ZSCAN5A: variants seen among roughly 807,000 people sequenced by gnomAD.
ZSCAN5A encodes the protein zinc finger and SCAN domain-containing protein 5A.
Under a neutral mutation model 23.7 loss-of-function variants are expected in ZSCAN5A, and 12 were observed. The ratio of observed to expected loss-of-function variants is 0.51; its 90% CI spans 0.32 to 0.82. The LOEUF is 0.82. Among genes scored for constraint, ZSCAN5A ranks in the 40% least tolerant of loss-of-function variants. The probability of loss-of-function intolerance (pLI) is 0.03; values close to 1 mark genes in which losing one functional copy is unlikely to be tolerated. For missense variants in ZSCAN5A, 597 were observed against 617.9 expected (o/e 0.97, Z 0.36); for synonymous variants, 257 against 239.9 (o/e 1.07, Z -0.66).
At chr19:56,340,409 G>T (rs1026590716) in intron 2 of ZSCAN5A, among the ~76,000 whole-genome samples, 13 of 152,146 alleles carry the variant, frequency 8.5e-5, no homozygotes, top group Non-Finnish European at 7.4e-5. Flanking sequence ...CGGATCTCCA[G>T]GAGAACGAAG....
At chr19:56,247,985 T>C (rs1023745638) in intron 2 of ZSCAN5A, among the ~76,000 whole-genome samples, 8 of 152,306 alleles carry the variant, frequency 5.3e-5, no homozygotes, top group Non-Finnish European at 7.3e-5. Flanking sequence ...CCACCGCACC[T>C]GGCCTGTTCT....
chr19:56,347,363 C>T (rs1434856820), intron 2 of ZSCAN5A: 1 of 152,192 alleles, frequency 6.6e-6, no homozygotes, highest in Non-Finnish European at 1.5e-5. Flanking sequence ...ACGCGGGGGG[C>T]TCTGGGTGCT....
At chr19:56,254,933 G>T (rs1388194625) in intron 2 of ZSCAN5A, among the ~76,000 whole-genome samples, 2 of 152,038 alleles carry the variant, frequency 1.3e-5, no homozygotes, top group Non-Finnish European at 2.9e-5. Flanking sequence ...CTCTGGAGAT[G>T]AACCCCTTTT....
Position 56,351,071 on chromosome 19 carries a change from G to T in ZSCAN5A, c.-358+12164C>A, listed in dbSNP as rs1397546799. 6.6e-6 allele frequency among the ~76,000 whole-genome samples: 1 copy of T among 151,876 alleles called. No homozygotes were observed. Among genetic ancestry groups the T allele is most frequent in the Admixed American group, 6.6e-5 (1 of 15,238 alleles). On this transcript the variant is annotated intron_variant, in intron 2 of 6. Coordinates refer to the ZSCAN5A transcript ENST00000587340. This position sits in a 1 kb window ranked among gnomAD's most constrained non-coding sequence, Gnocchi z 4.8. ...TCTAACACCCCCTAACAGCAGTTAG[G>T]TTTACTTCTCTTTGAGGGGGGGATA...
At chr19:56,314,021 G>A (rs2147398748) in intron 1 of ZSCAN5A, among the ~76,000 whole-genome samples, 1 of 152,354 alleles carries the variant, frequency 6.6e-6, no homozygotes, top group Admixed American at 6.5e-5. Flanking sequence ...AGGGGCTGGA[G>A]AGAATTTTTC....
At chr19:56,243,396 A>G (rs2035587837) in intron 2 of ZSCAN5A, among the ~76,000 whole-genome samples, 1 of 145,422 alleles carries the variant, frequency 6.9e-6, no homozygotes, top group Non-Finnish European at 1.5e-5. Flanking sequence ...TTTTACCAAA[A>G]TAGCAATATC....
At chr19:56,262,621 G>A (rs566205793) in intron 2 of ZSCAN5A, among the ~76,000 whole-genome samples, 17 of 150,426 alleles carry the variant, frequency 1.1e-4, no homozygotes, top group African/African-American at 3.7e-4. Flanking sequence ...TAGTAGAGAC[G>A]GGGTTTCACC....
chr19:56,242,934 A>C (rs1457729528), intron 2 of ZSCAN5A, among the ~76,000 whole-genome samples: 1 of 151,976 alleles, frequency 6.6e-6, no homozygotes, highest in African/African-American at 2.4e-5. Flanking sequence ...ACGTGCCACC[A>C]TGCCCGGCTA....
chr19:56,367,667 C>T (rs887244174), intron 1 of ZSCAN5A, among the ~76,000 whole-genome samples: 3 of 152,214 alleles, frequency 2.0e-5, no homozygotes, highest in Non-Finnish European at 4.4e-5. Flanking sequence ...ACTTAATCCT[C>T]GCAACACTAT....
At chr19:56,315,570 T>C (rs528151305), upstream of ZSCAN5A, 1 of 152,364 alleles carries the variant, frequency 6.6e-6, no homozygotes, top group Non-Finnish European at 1.5e-5. Flanking sequence ...AAAGCTGATG[T>C]GAAGGGGCTG....
At chr19:56,239,903 C>T (rs914398071) in intron 2 of ZSCAN5A, among the ~76,000 whole-genome samples, 4 of 152,096 alleles carry the variant, frequency 2.6e-5, no homozygotes, top group Admixed American at 2.0e-4. Flanking sequence ...GTGGCTCACG[C>T]CTGTAATCTC....
intron 2 of ZSCAN5A, among the ~76,000 whole-genome samples, chr19:56,253,151 G>A (rs886962902): frequency 1.3e-5 from 2 of 152,052 alleles, no homozygotes; most frequent in African/African-American, 4.8e-5. Context: ...AGAGGTGTGA[G>A]CCTATAGGTT....
At position 56,223,502 on chromosome 19, in the gene ZSCAN5A, G is replaced by A. The variant is rs1010735745; in HGVS notation, c.588+129C>T. On this transcript the variant is annotated intron_variant, in intron 4 of 5. Coordinates refer to ENST00000683990, the MANE Select transcript of ZSCAN5A (RefSeq NM_001322064.3). ...GGCTCAGGAATGAATGTTTGGGGAT[G>A]TATCATGTCCATGGGGAATGGCTCT... 6 of 926,518 alleles carry A rather than the reference G, an allele frequency of 6.5e-6. No individual in the cohort carries two copies. In the African/African-American group the frequency reaches 6.7e-5, roughly 10 times the overall value. The allele number at this position is 926,518 out of a possible 1,614,324, so 57.4% of individuals were successfully genotyped here.
chr19:56,247,731 A>T (rs189159869), intron 2 of ZSCAN5A, among the ~76,000 whole-genome samples: 1 of 151,926 alleles, frequency 6.6e-6, no homozygotes, highest in Admixed American at 6.6e-5. Flanking sequence ...TTGTTCTGTC[A>T]CCCAGGCTGG....
intron 2 of ZSCAN5A, among the ~76,000 whole-genome samples, chr19:56,248,351 C>G (rs1246300097): frequency 6.6e-6 from 1 of 152,116 alleles, no homozygotes; most frequent in Non-Finnish European, 1.5e-5. Context: ...GACCTGACCT[C>G]CACGGCTCAA....
At chr19:56,284,841 G>A (rs568173299) in intron 2 of ZSCAN5A, among the ~76,000 whole-genome samples, 1 of 152,224 alleles carries the variant, frequency 6.6e-6, no homozygotes, top group South Asian at 2.1e-4. Context: ...GTAGGAAAGG[G>A]GATTAAGTGG....
At chr19:56,268,335 G>C (rs1403387972) in intron 2 of ZSCAN5A, among the ~76,000 whole-genome samples, 3 of 152,198 alleles carry the variant, frequency 2.0e-5, no homozygotes, top group African/African-American at 7.2e-5. Context: ...CTGCGGCAGG[G>C]ACAGAATGCT....
chr19:56,295,847 A>G (rs993666543), intron 2 of ZSCAN5A: 3 of 153,138 alleles, frequency 2.0e-5, no homozygotes, highest in Non-Finnish European at 4.4e-5. Flanking sequence ...ATTTTTCCCT[A>G]CATGTGGCCT....
chr19:56,315,926 G>A (rs1568747206), upstream of ZSCAN5A: 1 of 152,224 alleles, frequency 6.6e-6, no homozygotes, highest in Non-Finnish European at 1.5e-5. Context: ...TTTCTTTGGA[G>A]ATTTGGACAA....
Sources: allele counts gnomAD v4.1 joint callset (sites outside exome capture counted in the v4.1 genomes callset), GRCh38; gene constraint gnomAD v4.1.1; non-coding constraint Gnocchi (gnomAD v3.1); transcripts MANE v1.5; gene names NCBI Gene and HGNC (gene_info 2026-07-23, HGNC 2026-07-21).